FAM24B: variants seen among roughly 807,000 people sequenced by gnomAD.
The protein encoded by FAM24B is protein FAM24B.
FAM24B carries 3 observed loss-of-function variants against 2.3 expected under a neutral mutation model. The ratio of observed to expected loss-of-function variants is 1.29; its 90% CI spans 0.59 to 3.32. The LOEUF is 3.32. FAM24B is among the 30% of genes most tolerant of loss of function. FAM24B has a pLI of 0.03. For synonymous variants in FAM24B, 36 were observed against 46.3 expected (o/e 0.78, Z 0.90); for missense variants, 98 against 117.2 (o/e 0.84, Z 0.76).
At chr10:122,866,444 G>T (rs1226070395) in intron 1 of FAM24B, among the ~76,000 whole-genome samples, 1 of 151,568 alleles carries the variant, frequency 6.6e-6, no homozygotes, top group Non-Finnish European at 1.5e-5. Flanking sequence ...GTTTTACTGT[G>T]CTTCACTGTA....
chr10:122,859,716 G>C (rs1202299292), intron 1 of FAM24B, among the ~76,000 whole-genome samples: 1 of 152,200 alleles, frequency 6.6e-6, no homozygotes, highest in Non-Finnish European at 1.5e-5. Context: ...ATCCACCCCT[G>C]TGAGGGGTGA....
intron 1 of FAM24B, among the ~76,000 whole-genome samples, chr10:122,862,811 C>T (rs1424432990): frequency 6.6e-6 from 1 of 152,118 alleles, no homozygotes; most frequent in East Asian, 1.9e-4. Context: ...AACTACTTTT[C>T]TCTCCAGGTG....
chr10:122,878,374 A>G (rs1009294307), intron 1 of FAM24B, among the ~76,000 whole-genome samples: 17 of 152,114 alleles, frequency 1.1e-4, no homozygotes, highest in African/African-American at 2.4e-5. Flanking sequence ...CTCTCCTAAA[A>G]ATACAAAAAT....
At chr10:122,850,725 G>A in intron 2 of FAM24B, 175 bp from the exon 3 acceptor site, 2 of 483,876 alleles carry the variant, frequency 4.1e-6, no homozygotes, top group Non-Finnish European at 3.7e-6. Flanking sequence ...CCCAGAGATG[G>A]AAAAAAAGAA....
chr10:122,868,989 A>G (rs1291340119), intron 1 of FAM24B, among the ~76,000 whole-genome samples: 1 of 152,246 alleles, frequency 6.6e-6, no homozygotes, highest in Non-Finnish European at 1.5e-5. Flanking sequence ...ACAGACTGGC[A>G]AACTGGATAA....
At chr10:122,865,491 T>C (rs1412468005) in intron 1 of FAM24B, among the ~76,000 whole-genome samples, 1 of 152,200 alleles carries the variant, frequency 6.6e-6, no homozygotes, top group Admixed American at 6.5e-5. Flanking sequence ...TGATATATAA[T>C]ACTTTTTCTA....
intron 1 of FAM24B, among the ~76,000 whole-genome samples, chr10:122,865,995 C>A (rs556410586): frequency 6.6e-6 from 1 of 151,658 alleles, no homozygotes; most frequent in African/African-American, 2.4e-5. Flanking sequence ...CTCTGCCTCC[C>A]GGGTTCAAGC....
chr10:122,870,785 T>C (rs1847883640), intron 1 of FAM24B, among the ~76,000 whole-genome samples: 1 of 152,190 alleles, frequency 6.6e-6, no homozygotes, highest in East Asian at 1.9e-4. Flanking sequence ...GGGACGTATC[T>C]CAAAATAATA....
intron 1 of FAM24B, among the ~76,000 whole-genome samples, chr10:122,878,447 C>G (rs554433433): frequency 6.6e-6 from 1 of 151,916 alleles, no homozygotes; most frequent in Non-Finnish European, 1.5e-5. Context: ...GCAGGAGAAT[C>G]GCTTGAACCC....
chr10:122,850,234 A>C (rs149327222), intron 3 of FAM24B, among the ~76,000 whole-genome samples, 190 bp downstream of exon 3: 1 of 152,176 alleles, frequency 6.6e-6, no homozygotes, highest in African/African-American at 2.4e-5. Flanking sequence ...AAAAAATAAG[A>C]TTCTACACTC....
chr10:122,866,077 T>C (rs1456415203), intron 1 of FAM24B, among the ~76,000 whole-genome samples: 2 of 152,022 alleles, frequency 1.3e-5, no homozygotes, highest in African/African-American at 4.8e-5. Context: ...TAGTTTTTTA[T>C]TTTTAGTAGA....
At chr10:122,872,204 A>G (rs993254410) in intron 1 of FAM24B, among the ~76,000 whole-genome samples, 9 of 152,250 alleles carry the variant, frequency 5.9e-5, no homozygotes, top group Non-Finnish European at 1.2e-4. Flanking sequence ...ATCACTGGCC[A>G]TCAGAGAAAT....
chr10:122,868,454 G>A (rs181302767), intron 1 of FAM24B, among the ~76,000 whole-genome samples: 222 of 152,286 alleles, frequency 1.5e-3, no homozygotes, highest in Middle Eastern at 3.4e-3. Context: ...TACTCCTGGA[G>A]AAGAGCAACT....
chr10:122,870,044 C>A (rs1847866768), intron 1 of FAM24B, among the ~76,000 whole-genome samples: 1 of 152,006 alleles, frequency 6.6e-6, no homozygotes, highest in African/African-American at 2.4e-5. Flanking sequence ...GCTAGTAAGA[C>A]TAATAAAGAA....
chr10:122,876,075 C>T (rs983891812), intron 1 of FAM24B, among the ~76,000 whole-genome samples: 1 of 152,228 alleles, frequency 6.6e-6, no homozygotes, highest in Non-Finnish European at 1.5e-5. Flanking sequence ...AAGGTCCAAC[C>T]ACGCACTTGA....
intron 1 of FAM24B, among the ~76,000 whole-genome samples, chr10:122,875,041 CTCTCT>C (rs1209203380): frequency 6.6e-6 from 1 of 152,138 alleles, no homozygotes; most frequent in Admixed American, 6.5e-5. Flanking sequence ...ATTTCTTCTA[CTCTCT>C]TCTCTTTCTT....
At chr10:122,856,898 C>T (rs1047830476) in intron 1 of FAM24B, among the ~76,000 whole-genome samples, 2 of 152,210 alleles carry the variant, frequency 1.3e-5, no homozygotes, top group Admixed American at 6.5e-5. Flanking sequence ...CCTTTAAACA[C>T]CAGTGGCCTC....
rs147599600 is a variant in FAM24B at position 122,876,451 on chromosome 10, G to C, written c.-178+3034C>G. Among the ~76,000 whole-genome samples, 589 of 152,294 alleles carry C rather than the reference G, an allele frequency of 3.9e-3. 2 individuals are homozygous for C. The highest frequency in any genetic ancestry group is 6.7e-3 in the Non-Finnish European group (453 of 68,030). ...CCCCTCCTTCTGCACAAAGCAGGAG[G>C]GAGTTTTAATCCAATCCTTGTCCTA... On this transcript the variant is annotated intron_variant, in intron 1 of 3. Coordinates refer to ENST00000368898, the MANE Select transcript of FAM24B (RefSeq NM_152644.3).
intron 1 of FAM24B, among the ~76,000 whole-genome samples, chr10:122,865,767 A>G (rs778564163): frequency 4.6e-5 from 7 of 151,818 alleles, no homozygotes; most frequent in Non-Finnish European, 1.0e-4. Context: ...TTTTTGGAAG[A>G]GTAATTATTA....
Sources: gnomAD v4.1 joint callset for allele counts (sites outside exome capture counted in the v4.1 genomes callset) on GRCh38, gnomAD v4.1.1 for gene constraint, MANE v1.5 for transcripts, NCBI Gene and HGNC (gene_info 2026-07-23, HGNC 2026-07-21) for gene names.